The following MYOT variants were observed in gnomAD, a reference collection of about 807,000 sequenced individuals.
MYOT encodes the protein 57 kDa cytoskeletal protein.
Under a neutral mutation model 58.0 loss-of-function variants are expected in MYOT, and 36 were observed. That is an observed-to-expected ratio of 0.62 (90% CI 0.48 to 0.82). MYOT has a LOEUF of 0.82. Among genes scored for constraint, MYOT ranks in the 40% least tolerant of loss-of-function variants. The probability of loss-of-function intolerance (pLI) is 0.00; values close to 1 mark genes in which losing one functional copy is unlikely to be tolerated. For missense variants in MYOT, 505 were observed against 592.1 expected, an observed-to-expected ratio of 0.85 and a Z score of 1.53; for synonymous variants, 218 against 204.6, an observed-to-expected ratio of 1.07 and a Z score of -0.56.
intron 2 of MYOT, among the ~76,000 whole-genome samples, chr5:137,874,377 G>C (rs983601948): frequency 2.0e-5 from 3 of 152,118 alleles, no homozygotes; most frequent in African/African-American, 7.2e-5. Flanking sequence ...TGAGACAGGA[G>C]AATCACCTGA....
At chr5:137,877,764 C>T in intron 4 of MYOT, 143 bp downstream of exon 4, 1 of 661,332 alleles carries the variant, frequency 1.5e-6, no homozygotes, top group Non-Finnish European at 2.7e-6. Context: ...CCATGATAAA[C>T]ATATATACAT....
chr5:137,883,277 G>A (rs994749502), intron 6 of MYOT, 107 bp from the exon 7 acceptor site: 24 of 930,810 alleles, frequency 2.6e-5, no homozygotes, highest in East Asian at 1.5e-4. Flanking sequence ...CATTTCAATC[G>A]CAAACCCACT....
At chr5:137,881,252 G>T (rs1755420654) in intron 5 of MYOT, among the ~76,000 whole-genome samples, 1 of 152,222 alleles carries the variant, frequency 6.6e-6, no homozygotes, top group Admixed American at 6.5e-5. Flanking sequence ...TGTACCAGAT[G>T]TTTCTAAATT....
Position 137,887,672 on chromosome 5 carries a change from G to A in MYOT, c.*287G>A. ...AGTCATGCACATTTAACAATTACAG[G>A]TTATAAATTAGTATCAACTTTTTAA... On this transcript the variant is annotated 3_prime_UTR_variant, in exon 10 of 10. Transcript: ENST00000239926. 5.5e-6 allele frequency: 1 copy of A among 180,882 alleles called. No individual in the cohort carries two copies. The highest frequency in any genetic ancestry group is 1.1e-5 in the Non-Finnish European group (1 of 88,008). The allele number at this position is 180,882 out of a possible 1,614,324, so 11.2% of individuals were successfully genotyped here. A position where few individuals can be genotyped will look rare whatever the true frequency, so the allele number is the denominator to read the frequency against.
rs2149978963 is a variant in MYOT at position 137,870,915 on chromosome 5, C to T, written c.264C>T (p.Thr88=). ...GSNPGQRVTT[T]YNQSPASFLS... ...ACCCAGGCCAAAGGGTTACAACCAC[C>T]TATAACCAGTCCCCAGCCAGCTTCC... The change falls in exon 2 of 10, where the codon ACC becomes ACT. Residue 88 remains threonine (T), a synonymous_variant. Transcript: ENST00000239926. The T allele has an allele frequency of 6.2e-7, 1 of 1,614,250 alleles. No homozygotes were observed. The highest frequency in any genetic ancestry group is 1.3e-5 in the African/African-American group (1 of 75,078).
chr5:137,870,897 C>A lies in MYOT; in HGVS notation c.246C>A (p.Gly82=). ...AGCAGCATGCTGGCTCCAACCCAGGCCAAAGGGTTACAACCACCTATAACC... is the reference window on the plus strand; with the variant it reads ...AGCAGCATGCTGGCTCCAACCCAGGACAAAGGGTTACAACCACCTATAACC... The part of the protein sequence containing the change: ...SPQQHAGSNP[G]QRVTTTYNQS... Residue 82 remains glycine (G), a synonymous_variant, in exon 2 of 10, where the codon GGC becomes GGA. Transcript: ENST00000239926. 1 of 1,614,182 alleles carries A rather than the reference C, an allele frequency of 6.2e-7. No individual in the cohort carries two copies. Among genetic ancestry groups the A allele is most frequent in the Non-Finnish European group, 8.5e-7 (1 of 1,180,022 alleles).
intron 2 of MYOT, among the ~76,000 whole-genome samples, chr5:137,874,574 C>T (rs1478074544): frequency 6.6e-6 from 1 of 152,180 alleles, no homozygotes; most frequent in Non-Finnish European, 1.5e-5. Context: ...AGCTACCTAA[C>T]AGATCTAAAA....
rs1460095435 is a variant in MYOT at position 137,875,063 on chromosome 5, G to T, written c.357-766G>T. Among the ~76,000 whole-genome samples, 4 of 152,152 alleles carry T rather than the reference G, an allele frequency of 2.6e-5. No individual in the cohort carries two copies. In the East Asian group the frequency reaches 7.7e-4, roughly 29 times the overall value. On this transcript the variant is annotated intron_variant, in intron 2 of 9. Coordinates refer to ENST00000239926, the MANE Select transcript of MYOT (RefSeq NM_006790.3). The stretch of plus-strand genomic sequence containing the variant: ...CTATAACATGAAATCATAGGAAGCT[G>T]GGAAAAGATGCTAAAAATCAGCCCA...
At position 137,882,040 on chromosome 5, in the gene MYOT, C is replaced by T. The variant is rs760118881; in HGVS notation, c.751C>T (p.Arg251Cys). ...DAIQEKFYPP[R>C]FIQVPENMSI... is the part of the protein sequence containing the mutation. ...AATCCAGGAGAAATTTTACCCACCA[C>T]GTTTCATTCAAGTGCCAGAGAACAT... Residue 251 changes from arginine to cysteine, a missense_variant, in exon 6 of 10, where the codon CGT becomes TGT. Transcript: ENST00000239926. 8.1e-6 allele frequency: 13 copies of T among 1,613,838 alleles called. No individual in the cohort carries two copies. Among genetic ancestry groups the T allele is most frequent in the East Asian group, 2.2e-5 (1 of 44,888 alleles).
In MYOT at chr5:137,876,211, A is replaced by G; in HGVS notation, c.531+208A>G. On this transcript the variant is annotated intron_variant, in intron 3 of 9. Transcript: ENST00000239926. ...AGTAAAAGAATGAAGCAAATGAAAA[A>G]TGTATCTGAATGGTTTAATGAAATT... 3 of 564,188 alleles carry G rather than the reference A, an allele frequency of 5.3e-6. No individual in the cohort carries two copies. The South Asian group carries it at 6.8e-5, about 13-fold the overall frequency. 34.9% of individuals were successfully genotyped at this position (564,188 alleles called of 1,614,324 possible).
Position 137,870,764 on chromosome 5 carries a change from C to A in MYOT, c.113C>A (p.Ser38Tyr), listed in dbSNP as rs1199503763. 4.3e-6 allele frequency: 7 copies of A among 1,614,098 alleles called. No homozygotes were observed. In the Admixed American group the frequency reaches 1.2e-4, roughly 27 times the overall value. The change falls in exon 2 of 10, where the codon TCT becomes TAT. Residue 38 changes from serine (S) to tyrosine (Y), a missense_variant. Coordinates refer to ENST00000239926, the MANE Select transcript of MYOT (RefSeq NM_006790.3). Reference protein sequence around the residue: ...TSSFSSQTKQSSIIIQPRQCT... With the variant: ...TSSFSSQTKQYSIIIQPRQCT... ...AGCTTCTCTAGCCAGACCAAACAGT[C>A]TTCCATTATCATCCAGCCCCGCCAG... is the stretch of plus-strand genomic sequence containing the variant.
chr5:137,887,185 G>C (rs200772501), intron 9 of MYOT, 28 bp from the exon 10 acceptor site: 1 of 1,613,770 alleles, frequency 6.2e-7, no homozygotes, highest in African/African-American at 1.3e-5. Flanking sequence ...CAGGTTTTCT[G>C]AATCAACTTT....
chr5:137,880,978 C>A, intron 5 of MYOT, 113 bp downstream of exon 5: 2 of 773,958 alleles, frequency 2.6e-6, no homozygotes, highest in Non-Finnish European at 4.2e-6. Context: ...TTGAAAAATA[C>A]AATGTGTATT....
In MYOT at chr5:137,875,843, C is replaced by T. The variant is rs1755194719; in HGVS notation, c.371C>T (p.Ser124Leu). 1.2e-6 allele frequency: 2 copies of T among 1,613,946 alleles called. No homozygotes were observed. The highest frequency in any genetic ancestry group is 1.3e-5 in the African/African-American group (1 of 74,904). ...SAMDSNYQQSSAGQPINAKPS... is the reference protein window; with the variant it reads ...SAMDSNYQQSLAGQPINAKPS... ...CCTTTTTAAAGCTATCAACAGTCCT[C>T]AGCTGGCCAACCTATAAATGCAAAG... The change falls in exon 3 of 10, where the codon TCA (serine) becomes TTA (leucine). Residue 124 changes from serine (S) to leucine (L), a missense_variant. Physicochemically the swap from Ser to Leu is moderately radical, Grantham distance 145. Coordinates refer to ENST00000239926, the MANE Select transcript of MYOT (RefSeq NM_006790.3).
chr5:137,875,088 A>T (rs1287421167), intron 2 of MYOT, among the ~76,000 whole-genome samples: 1 of 152,220 alleles, frequency 6.6e-6, no homozygotes, highest in African/African-American at 2.4e-5. Flanking sequence ...AAATCAGCCC[A>T]TATGAACCAG....
intron 3 of MYOT, 99 bp from the exon 4 acceptor site, chr5:137,877,421 T>C (rs1755265206): frequency 9.6e-6 from 7 of 726,404 alleles, no homozygotes; most frequent in Non-Finnish European, 1.5e-5. Context: ...GATAGAACTA[T>C]GCTTCTTTGA....
intron 4 of MYOT, among the ~76,000 whole-genome samples, chr5:137,879,787 C>T (rs925923959): frequency 1.3e-4 from 20 of 150,678 alleles, no homozygotes; most frequent in Admixed American, 6.0e-4. Context: ...CCACCTGCCT[C>T]GGCCTCCCAA....
chr5:137,880,924 A>G, intron 5 of MYOT, 59 bp downstream of exon 5: 1 of 1,205,926 alleles, frequency 8.3e-7, no homozygotes, highest in South Asian at 1.3e-5. Flanking sequence ...TTTTCAGCTT[A>G]AAAATGTAAT....
In MYOT at chr5:137,883,465, G is replaced by A; in HGVS notation, c.898G>A (p.Val300Met). ...ATCAGATGATTTGCACAAAATGATAGTGTCTGAGAAGGGTCTTCATTCACT... is the reference window on the plus strand; with the variant it reads ...ATCAGATGATTTGCACAAAATGATAATGTCTGAGAAGGGTCTTCATTCACT... ...VQSDDLHKMI[V>M]SEKGLHSLIF... is the part of the protein sequence containing the mutation. Residue 300 changes from valine (V) to methionine (M), a missense_variant, in exon 7 of 10, where the codon GTG becomes ATG. Transcript: ENST00000239926. The A allele has an allele frequency of 6.2e-7, 1 of 1,614,070 alleles. No individual in the cohort carries two copies.
Sources: allele counts gnomAD v4.1 joint callset (sites outside exome capture counted in the v4.1 genomes callset), GRCh38; gene constraint gnomAD v4.1.1; transcripts MANE v1.5; gene names NCBI Gene and HGNC (gene_info 2026-07-23, HGNC 2026-07-21).